The following AOAH variants were observed in gnomAD, a reference collection of about 807,000 sequenced individuals.
AOAH encodes acyloxyacyl hydrolase (neutrophil).
AOAH carries 64 observed loss-of-function variants against 92.2 expected under a neutral mutation model. That is an observed-to-expected ratio of 0.69 (90% CI 0.57 to 0.86). AOAH has a LOEUF of 0.86. Among genes scored for constraint, AOAH ranks in the 40% least tolerant of loss-of-function variants. AOAH has a pLI of 0.00. For missense variants in AOAH, 656 were observed against 694.6 expected (o/e 0.94, Z 0.62); for synonymous variants, 263 against 254.5 (o/e 1.03, Z -0.32).
chr7:36,587,183 A>G (rs61166733), intron 12 of AOAH, among the ~76,000 whole-genome samples: 36,356 of 150,786 alleles, frequency 0.24, 5,459 homozygotes, highest in African/African-American at 0.42. Flanking sequence ...GAGACAGGAG[A>G]ATCGCTTGAA....
At chr7:36,700,221 T>C (rs1410470225) in intron 1 of AOAH, among the ~76,000 whole-genome samples, 1 of 152,110 alleles carries the variant, frequency 6.6e-6, no homozygotes, top group Non-Finnish European at 1.5e-5. Context: ...AGTGCAGTTT[T>C]ATTACATGGA....
At chr7:36,719,374 G>A (rs1799471364) in intron 1 of AOAH, among the ~76,000 whole-genome samples, 1 of 152,134 alleles carries the variant, frequency 6.6e-6, no homozygotes, top group African/African-American at 2.4e-5. Context: ...GAGAAGTGTT[G>A]GGGAGACCAG....
intron 1 of AOAH, among the ~76,000 whole-genome samples, chr7:36,707,083 C>CGTG (rs1798464429): frequency 9.5e-6 from 1 of 104,750 alleles, no homozygotes; most frequent in South Asian, 3.4e-4. Context: ...AACTGTTTGG[C>CGTG]ATATCTTGGC....
intron 16 of AOAH, among the ~76,000 whole-genome samples, chr7:36,536,061 G>A (rs1008544595): frequency 7.9e-5 from 12 of 152,196 alleles, no homozygotes; most frequent in African/African-American, 2.4e-4. Flanking sequence ...GGAGGGATGC[G>A]AGGAGAGATT....
Position 36,616,418 on chromosome 7 carries a change from T to C in AOAH, c.808A>G (p.Ile270Val), listed in dbSNP as rs768523499. Residue 270 changes from isoleucine to valine, a missense_variant, in exon 11 of 21, where the codon ATC (isoleucine) becomes GTC (valine). Coordinates refer to ENST00000617537, the MANE Select transcript of AOAH (RefSeq NM_001637.4). Reference sequence around the variant, plus strand: ...GACGCTGTGATCCATTCAGGAGAGATGTGAAAATGAGCCCCAGCTGAGTCT... The same window carrying C: ...GACGCTGTGATCCATTCAGGAGAGACGTGAAAATGAGCCCCAGCTGAGTCT... ...LGDSAGAHFH[I>V]SPEWITASQM... 3 of 1,614,120 alleles carry C rather than the reference T, an allele frequency of 1.9e-6. No homozygotes were observed. The highest frequency in any genetic ancestry group is 1.1e-5 in the South Asian group (1 of 91,078).
In AOAH at chr7:36,626,378, G is replaced by C. The variant is rs1792665286; in HGVS notation, c.522-3128C>G. ...GAGTGGTCTTTAAGATTGGAAAGCT[G>C]ATTTATTAACCTTTGTCTGCTTACT... On this transcript the variant is annotated intron_variant, in intron 6 of 20. Coordinates refer to ENST00000617537, the MANE Select transcript of AOAH (RefSeq NM_001637.4). Among the ~76,000 whole-genome samples, 2 of 152,188 alleles carry C rather than the reference G, an allele frequency of 1.3e-5. 1 individual carries two copies. Among genetic ancestry groups the C allele is most frequent in the Admixed American group, 1.3e-4 (2 of 15,280 alleles).
Position 36,724,086 on chromosome 7 carries a change from G to A in AOAH, c.63C>T (p.Ser21=). The change falls in exon 1 of 21, where the codon TCC becomes TCT. Residue 21 remains serine (S), a synonymous_variant. Transcript: ENST00000617537. ...GGTCATCGTTGGCTGGAGAGGCCGA[G>A]GACTGAAGAGACAGGAGCAAGAATA... ...APLFLLLSLQ[S]SASPANDDQS... The A allele has an allele frequency of 1.2e-6, 2 of 1,613,782 alleles. No homozygotes were observed. The highest frequency in any genetic ancestry group is 1.3e-5 in the African/African-American group (1 of 74,992).
At chr7:36,638,020 C>A in intron 4 of AOAH, 110 bp from the exon 5 acceptor site, 3 of 812,054 alleles carry the variant, frequency 3.7e-6, no homozygotes, top group Non-Finnish European at 5.9e-6. Flanking sequence ...AAATGAACCA[C>A]TCCATAAATT....
At chr7:36,563,872 A>G (rs1390745116) in intron 13 of AOAH, among the ~76,000 whole-genome samples, 1 of 152,226 alleles carries the variant, frequency 6.6e-6, no homozygotes, top group African/African-American at 2.4e-5. Flanking sequence ...AGACTACTCT[A>G]TTGACCTTGA....
chr7:36,679,788 G>A (rs897803860), intron 2 of AOAH, among the ~76,000 whole-genome samples: 11 of 152,054 alleles, frequency 7.2e-5, no homozygotes, highest in Admixed American at 7.2e-4. Flanking sequence ...CTCCTGAGTA[G>A]CTAGGACTAC....
intron 13 of AOAH, among the ~76,000 whole-genome samples, chr7:36,559,528 T>C (rs1787100373): frequency 6.6e-6 from 1 of 152,236 alleles, no homozygotes; most frequent in South Asian, 2.1e-4. Flanking sequence ...ATATGCTTGT[T>C]GGCTGCTTAT....
chr7:36,685,279 G>A (rs999791609), intron 2 of AOAH, among the ~76,000 whole-genome samples: 1 of 152,072 alleles, frequency 6.6e-6, no homozygotes, highest in Non-Finnish European at 1.5e-5. Flanking sequence ...TTTAAATACC[G>A]GGCAAGGTTA....
At chr7:36,696,744 C>T (rs753994725) in intron 1 of AOAH, among the ~76,000 whole-genome samples, 40 of 151,910 alleles carry the variant, frequency 2.6e-4, no homozygotes, top group Admixed American at 1.2e-3. Flanking sequence ...CCTGTAATCC[C>T]AGCTACTCGG....
intron 2 of AOAH, among the ~76,000 whole-genome samples, chr7:36,678,271 A>G (rs902685949): frequency 1.1e-4 from 17 of 152,108 alleles, no homozygotes; most frequent in African/African-American, 3.6e-4. Context: ...CCTTGGAGAA[A>G]TTGCCTCCCC....
intron 2 of AOAH, among the ~76,000 whole-genome samples, chr7:36,676,816 G>C (rs933175387): frequency 2.0e-5 from 3 of 152,140 alleles, no homozygotes; most frequent in African/African-American, 7.2e-5. Flanking sequence ...TTAGTCAAAA[G>C]TGCAAAGACC....
chr7:36,557,969 C>A (rs1211319857), intron 13 of AOAH, among the ~76,000 whole-genome samples: 2 of 152,186 alleles, frequency 1.3e-5, no homozygotes, highest in African/African-American at 4.8e-5. Context: ...TCGTCTGAAG[C>A]CTTCTTCTCT....
chr7:36,631,053 G>A lies in AOAH; in HGVS notation c.521+983C>T, dbSNP rs550883850. On this transcript the variant is annotated intron_variant, in intron 6 of 20. Transcript: ENST00000617537. ...CAAAGCAGCAGTGGTCATATTAGAA[G>A]TAGCTTAATGGGATGGGCTTGGTGG... Among the ~76,000 whole-genome samples the A allele has an allele frequency of 5.3e-4, 80 of 152,322 alleles. 1 individual carries two copies. In the South Asian group the frequency reaches 8.1e-3, roughly 15 times the overall value.
intron 6 of AOAH, among the ~76,000 whole-genome samples, chr7:36,629,918 A>G (rs1460572806): frequency 6.6e-6 from 1 of 152,238 alleles, no homozygotes; most frequent in Non-Finnish European, 1.5e-5. Flanking sequence ...ATTTGGAAAC[A>G]GGGTCTTTAC....
At chr7:36,671,037 A>T (rs1795892120) in intron 3 of AOAH, among the ~76,000 whole-genome samples, 1 of 152,072 alleles carries the variant, frequency 6.6e-6, no homozygotes, top group Admixed American at 6.5e-5. Context: ...ATTTGCATGT[A>T]TTGCCCCCTT....
Sources: allele counts gnomAD v4.1 joint callset (sites outside exome capture counted in the v4.1 genomes callset), GRCh38; gene constraint gnomAD v4.1.1; transcripts MANE v1.5; gene names NCBI Gene and HGNC (gene_info 2026-07-23, HGNC 2026-07-21).